MKX: variants seen among roughly 807,000 people sequenced by gnomAD.
MKX encodes homeobox protein Mohawk.
Under a neutral mutation model 36.0 loss-of-function variants are expected in MKX, and 13 were observed. The observed-to-expected ratio is 0.36, with a 90% CI of 0.24 to 0.57. MKX has a LOEUF of 0.57. MKX is among the 20% of genes least tolerant of loss of function. The pLI is 0.79. For missense variants in MKX, 458 were observed against 456.4 expected, an observed-to-expected ratio of 1.00 and a Z score of -0.03; for synonymous variants, 176 against 178.3, an observed-to-expected ratio of 0.99 and a Z score of 0.10.
intron 5 of MKX, among the ~76,000 whole-genome samples, chr10:27,701,823 GTGTGTATATATA>G (rs202006591): frequency 3.3e-5 from 1 of 30,692 alleles, no homozygotes; most frequent in African/African-American, 9.8e-5. Flanking sequence ...GTGTGTGTGT[GTGTGTATATATA>G]TATATATATA....
At chr10:27,715,930 A>ACT (rs72515866) in intron 5 of MKX, among the ~76,000 whole-genome samples, 2 of 22,034 alleles carry the variant, frequency 9.1e-5, no homozygotes, top group African/African-American at 1.6e-4. Context: ...GTAGAGGAAG[A>ACT]CATAAAAGCA....
chr10:27,687,700 T>C (rs936163965), intron 5 of MKX, among the ~76,000 whole-genome samples: 2 of 152,194 alleles, frequency 1.3e-5, no homozygotes, highest in African/African-American at 4.8e-5. Context: ...TGCTAACTCA[T>C]TCAGCATAGT....
chr10:27,701,911 A>C (rs749861022), intron 5 of MKX, among the ~76,000 whole-genome samples: 119 of 151,666 alleles, frequency 7.8e-4, no homozygotes, highest in African/African-American at 1.4e-3. Flanking sequence ...CACACACACA[A>C]AAAGAAGGAA....
At chr10:27,712,229 A>T (rs1836886382) in intron 5 of MKX, among the ~76,000 whole-genome samples, 2 of 152,232 alleles carry the variant, frequency 1.3e-5, no homozygotes, top group African/African-American at 2.4e-5. Flanking sequence ...GCTGTCTTCG[A>T]ATGGGATTCT....
intron 5 of MKX, among the ~76,000 whole-genome samples, chr10:27,682,776 C>T (rs189932989): frequency 1.3e-5 from 2 of 151,750 alleles, no homozygotes; most frequent in African/African-American, 2.4e-5. Flanking sequence ...GTCAGGAGTT[C>T]GAGACCAGTC....
At chr10:27,680,602 A>G (rs1217652427) in intron 5 of MKX, among the ~76,000 whole-genome samples, 1 of 152,200 alleles carries the variant, frequency 6.6e-6, no homozygotes, top group Non-Finnish European at 1.5e-5. Flanking sequence ...ATTCTGATAT[A>G]TATTCCTGAT....
At chr10:27,728,454 T>G (rs1459070511) in intron 5 of MKX, among the ~76,000 whole-genome samples, 2 of 152,244 alleles carry the variant, frequency 1.3e-5, no homozygotes, top group Non-Finnish European at 2.9e-5. Context: ...TTCTGGTTCG[T>G]TTAAATATGG....
intron 5 of MKX, among the ~76,000 whole-genome samples, chr10:27,713,079 T>G (rs1449157627): frequency 6.6e-6 from 1 of 152,182 alleles, no homozygotes; most frequent in Non-Finnish European, 1.5e-5. Context: ...GAAGGGAGTA[T>G]ATTTCACATC....
rs369647441 is a variant in MKX at position 27,711,168 on chromosome 10, C to T, written c.838+23288G>A. 4.7e-4 allele frequency among the ~76,000 whole-genome samples: 72 copies of T among 152,246 alleles called. No individual in the cohort carries two copies. In the South Asian group the frequency reaches 0.014, roughly 30 times the overall value. Reference sequence around the variant, plus strand: ...ATACCCTGGAAACAGAGATAAATCCCAGGCAACAGTGCTTTAAAGTCACAG... The same window carrying T: ...ATACCCTGGAAACAGAGATAAATCCTAGGCAACAGTGCTTTAAAGTCACAG... On this transcript the variant is annotated intron_variant, in intron 5 of 6. Coordinates refer to ENST00000419761, the MANE Select transcript of MKX (RefSeq NM_173576.3).
chr10:27,684,524 A>T (rs1052647428), intron 5 of MKX, among the ~76,000 whole-genome samples: 3 of 152,178 alleles, frequency 2.0e-5, no homozygotes, highest in Non-Finnish European at 2.9e-5. Flanking sequence ...CACATTTTTT[A>T]AAAAGGCATA....
chr10:27,727,698 C>G (rs763515862), intron 5 of MKX, among the ~76,000 whole-genome samples: 1 of 152,152 alleles, frequency 6.6e-6, no homozygotes, highest in South Asian at 2.1e-4. Context: ...TAGAAAAGTT[C>G]TCTTTTAAAA....
chr10:27,740,575 T>A (rs1834871630), intron 3 of MKX, among the ~76,000 whole-genome samples: 1 of 152,186 alleles, frequency 6.6e-6, no homozygotes, highest in Non-Finnish European at 1.5e-5. Context: ...ACAGTAAGAT[T>A]CAGTTTTGAA....
At chr10:27,732,094 A>G (rs1834643413) in intron 5 of MKX, among the ~76,000 whole-genome samples, 1 of 152,188 alleles carries the variant, frequency 6.6e-6, no homozygotes, top group Non-Finnish European at 1.5e-5. Context: ...ATATTTCTCA[A>G]GTATTTTCAT....
intron 5 of MKX, among the ~76,000 whole-genome samples, chr10:27,707,298 T>C (rs572294251): frequency 2.7e-4 from 41 of 152,192 alleles, no homozygotes; most frequent in Non-Finnish European, 5.7e-4. Context: ...AATGCATTGG[T>C]CTATAGGTGC....
intron 5 of MKX, among the ~76,000 whole-genome samples, chr10:27,709,970 T>G (rs1284041021): frequency 6.6e-6 from 1 of 152,244 alleles, no homozygotes; most frequent in African/African-American, 2.4e-5. Context: ...AACATGTAAT[T>G]AGTATAGAAA....
rs755418682 is a variant in MKX at position 27,735,384 on chromosome 10, T to C, written c.349-10A>G. ...CAAACCAATTTGACACCTAAAACAG[T>C]ATTATTTTTCAATTAACAAAACTTA... On this transcript the variant is annotated splice_polypyrimidine_tract_variant and intron_variant, in intron 3 of 6. Transcript: ENST00000419761. The C allele has an allele frequency of 3.1e-6, 5 of 1,597,992 alleles. No homozygotes were observed. The highest frequency in any genetic ancestry group is 4.3e-6 in the Non-Finnish European group (5 of 1,174,340).
chr10:27,685,245 C>CT (rs1215372611), intron 5 of MKX, among the ~76,000 whole-genome samples: 1 of 149,922 alleles, frequency 6.7e-6, no homozygotes, highest in Non-Finnish European at 1.5e-5. Flanking sequence ...ATATGAAAGC[C>CT]TATGGCAACA....
intron 5 of MKX, among the ~76,000 whole-genome samples, chr10:27,709,515 G>A (rs761728885): frequency 4.6e-5 from 7 of 152,254 alleles, no homozygotes; most frequent in East Asian, 1.9e-4. Flanking sequence ...CCAGTTCTTC[G>A]CACTGATTTC....
intron 5 of MKX, among the ~76,000 whole-genome samples, chr10:27,681,576 A>T (rs1400095045): frequency 6.6e-6 from 1 of 152,204 alleles, no homozygotes; most frequent in African/African-American, 2.4e-5. Flanking sequence ...TTATGTGTTT[A>T]CTATATTTTT....
Sources: gnomAD v4.1 joint callset for allele counts (sites outside exome capture counted in the v4.1 genomes callset) on GRCh38, gnomAD v4.1.1 for gene constraint, MANE v1.5 for transcripts, NCBI Gene and HGNC (gene_info 2026-07-23, HGNC 2026-07-21) for gene names.